The following ELF1 variants were observed in gnomAD, a reference collection of about 807,000 sequenced individuals.
ELF1 encodes E74 like ETS transcription factor 1.
A neutral mutation model predicts 59.9 loss-of-function variants in ELF1; 24 were observed. The ratio of observed to expected loss-of-function variants is 0.40; its 90% CI spans 0.29 to 0.56. The LOEUF is 0.56. Among genes scored for constraint, ELF1 ranks in the 20% least tolerant of loss-of-function variants. The pLI is 0.44. For synonymous variants in ELF1, 248 were observed against 266.2 expected, an observed-to-expected ratio of 0.93 and a Z score of 0.67; for missense variants, 627 against 742.2, an observed-to-expected ratio of 0.84 and a Z score of 1.80.
intron 1 of ELF1, among the ~76,000 whole-genome samples, chr13:41,051,004 C>T (rs1593414157): frequency 6.6e-6 from 1 of 152,116 alleles, no homozygotes; most frequent in African/African-American, 2.4e-5. Flanking sequence ...TTAATAGGAC[C>T]CATCCTAATG....
chr13:41,031,834 A>T (rs1003305704), intron 1 of ELF1, among the ~76,000 whole-genome samples: 1 of 151,474 alleles, frequency 6.6e-6, no homozygotes, highest in Non-Finnish European at 1.5e-5. Context: ...AAAAAAAAAA[A>T]AAAAAAGTCT....
chr13:40,995,036 C>G (rs953563784), intron 1 of ELF1, among the ~76,000 whole-genome samples: 5 of 152,158 alleles, frequency 3.3e-5, no homozygotes, highest in African/African-American at 1.2e-4. Context: ...CCAATTCCCA[C>G]ACAGCATAAC....
chr13:40,945,372 T>G (rs1007016188), intron 5 of ELF1, among the ~76,000 whole-genome samples: 4 of 152,166 alleles, frequency 2.6e-5, no homozygotes, highest in Admixed American at 6.5e-5. Flanking sequence ...TGGCAGTGGT[T>G]TCTTCTCAGC....
intron 8 of ELF1, among the ~76,000 whole-genome samples, chr13:40,935,906 A>T (rs1008759568): frequency 3.3e-5 from 5 of 152,010 alleles, no homozygotes; most frequent in East Asian, 3.9e-4. Context: ...AACTCCTGAC[A>T]TCATTGGCAT....
intron 1 of ELF1, among the ~76,000 whole-genome samples, chr13:40,989,860 C>A (rs1392066612): frequency 6.6e-6 from 1 of 152,106 alleles, no homozygotes; most frequent in East Asian, 1.9e-4. Flanking sequence ...ACCAGAAAAG[C>A]TTAAATTGGA....
intron 2 of ELF1, among the ~76,000 whole-genome samples, chr13:40,963,802 G>A (rs1338361186): frequency 6.6e-6 from 1 of 152,046 alleles, no homozygotes; most frequent in African/African-American, 2.4e-5. Context: ...AGCTACTCAG[G>A]AGGATGAGGC....
Position 40,942,978 on chromosome 13 carries a change from A to G in ELF1, c.780T>C (p.Asn260=), listed in dbSNP as rs1870279123. Residue 260 remains asparagine (N), a synonymous_variant, in exon 7 of 9, where the codon AAT becomes AAC. Transcript: ENST00000239882. ...TGAGTGCTCTTCCCATGGTCTCATA[A>G]TTCATATCAGGTTTGTTTTTGTGCT... ...WGKHKNKPDM[N]YETMGRALRY... 1 of 1,607,204 alleles carries G rather than the reference A, an allele frequency of 6.2e-7. No homozygotes were observed. The highest frequency in any genetic ancestry group is 1.1e-5 in the South Asian group (1 of 90,290).
intron 1 of ELF1, among the ~76,000 whole-genome samples, chr13:41,003,890 A>C (rs989140508): frequency 1.3e-5 from 2 of 152,126 alleles, no homozygotes; most frequent in African/African-American, 2.4e-5. Flanking sequence ...AAACAGCAAA[A>C]ACAAACTGGG....
At chr13:41,036,869 C>T (rs1300745151) in intron 1 of ELF1, among the ~76,000 whole-genome samples, 1 of 152,024 alleles carries the variant, frequency 6.6e-6, no homozygotes, top group Non-Finnish European at 1.5e-5. Flanking sequence ...AAACCAAACA[C>T]CGCATGTTCT....
At chr13:41,054,939 T>TC (rs953185205) in intron 1 of ELF1, among the ~76,000 whole-genome samples, 22 of 152,364 alleles carry the variant, frequency 1.4e-4, no homozygotes, top group African/African-American at 5.3e-4. Flanking sequence ...AATCTCCTTG[T>TC]CAAGGGGCTT....
At chr13:41,059,627 A>T (rs917059969) in intron 1 of ELF1, among the ~76,000 whole-genome samples, 2 of 152,192 alleles carry the variant, frequency 1.3e-5, no homozygotes, top group Non-Finnish European at 2.9e-5. Flanking sequence ...TTGTTCCCAG[A>T]GGCCCAATAA....
intron 1 of ELF1, among the ~76,000 whole-genome samples, chr13:40,997,077 C>T (rs965122019): frequency 1.1e-4 from 17 of 152,128 alleles, no homozygotes; most frequent in African/African-American, 4.1e-4. Context: ...ACAGTGCAAC[C>T]AGGTTTAAGG....
chr13:40,950,095 T>C lies in ELF1; in HGVS notation c.362-122A>G, dbSNP rs972952092. On this transcript the variant is annotated intron_variant, in intron 4 of 8. Coordinates refer to ENST00000239882, the MANE Select transcript of ELF1 (RefSeq NM_172373.4). The stretch of plus-strand genomic sequence containing the variant: ...AAAGTAGAAATAAAATCTTGAAATC[T>C]ATTCCTGCGTTTAAGTTCCCCTTCC... 5.3e-6 allele frequency: 5 copies of C among 937,132 alleles called. No homozygotes were observed. The African/African-American group carries it at 6.7e-5, about 13-fold the overall frequency. The allele number at this position is 937,132 out of a possible 1,614,324, so 58.1% of individuals were successfully genotyped here. A position where few individuals can be genotyped will look rare whatever the true frequency, so the allele number is the denominator to read the frequency against.
In ELF1 at chr13:40,943,003, T is replaced by C. The variant is rs921230105; in HGVS notation, c.755A>G (p.Lys252Arg). The C allele has an allele frequency of 3.7e-6, 6 of 1,610,372 alleles. No homozygotes were observed. The highest frequency in any genetic ancestry group is 5.1e-6 in the Non-Finnish European group (6 of 1,177,964). Residue 252 changes from lysine (K) to arginine (R), a missense_variant, in exon 7 of 9, where the codon AAG becomes AGG. Coordinates refer to ENST00000239882, the MANE Select transcript of ELF1 (RefSeq NM_172373.4). ...DSKAVSRLWG[K>R]HKNKPDMNYE... ...ATTCATATCAGGTTTGTTTTTGTGCTTCCCCCACAACCTGGACACTGCTTT... is the reference window on the plus strand; with the variant it reads ...ATTCATATCAGGTTTGTTTTTGTGCCTCCCCCACAACCTGGACACTGCTTT...
chr13:41,045,517 A>G (rs577522056), intron 1 of ELF1, among the ~76,000 whole-genome samples: 194 of 152,286 alleles, frequency 1.3e-3, no homozygotes, highest in Non-Finnish European at 2.1e-3. Context: ...TTCAAAGAAC[A>G]TGTTTATTTC....
rs1357680798 is a variant in ELF1 at position 40,932,199 on chromosome 13, T to G, written c.*1226A>C. 1 of 152,192 alleles carries G rather than the reference T, an allele frequency of 6.6e-6. No individual in the cohort carries two copies. The highest frequency in any genetic ancestry group is 1.5e-5 in the Non-Finnish European group (1 of 68,044). 9.4% of individuals were successfully genotyped at this position (152,192 alleles called of 1,614,324 possible). Reference sequence around the variant, plus strand: ...TTTTCATCTACAAAAATTTCTGTTATACTAGAAAATTTGCAGAAGACATTT... The same window carrying G: ...TTTTCATCTACAAAAATTTCTGTTAGACTAGAAAATTTGCAGAAGACATTT... On this transcript the variant is annotated 3_prime_UTR_variant, in exon 9 of 9. Coordinates refer to ENST00000239882, the MANE Select transcript of ELF1 (RefSeq NM_172373.4).
intron 1 of ELF1, among the ~76,000 whole-genome samples, chr13:41,006,791 T>G (rs946806128): frequency 4.6e-5 from 7 of 152,306 alleles, no homozygotes; most frequent in African/African-American, 1.7e-4. Context: ...AAAACACATG[T>G]AACATTAATT....
intron 1 of ELF1, among the ~76,000 whole-genome samples, chr13:41,048,542 A>G (rs1481947751): frequency 2.0e-5 from 3 of 151,940 alleles, no homozygotes; most frequent in Non-Finnish European, 4.4e-5. Flanking sequence ...CAGCCTCCCG[A>G]GTAGCTGGGA....
chr13:40,971,693 T>C (rs1312546755), intron 2 of ELF1, among the ~76,000 whole-genome samples: 1 of 152,240 alleles, frequency 6.6e-6, no homozygotes, highest in Non-Finnish European at 1.5e-5. Flanking sequence ...TGTGGAGTTA[T>C]TTTTTAACAA....
Sources: allele counts gnomAD v4.1 joint callset (sites outside exome capture counted in the v4.1 genomes callset), GRCh38; gene constraint gnomAD v4.1.1; transcripts MANE v1.5; gene names NCBI Gene and HGNC (gene_info 2026-07-23, HGNC 2026-07-21).